The following SCTR variants were observed in gnomAD, a reference collection of about 807,000 sequenced individuals.
The protein encoded by SCTR is pancreatic secretin receptor.
Under a neutral mutation model 60.8 loss-of-function variants are expected in SCTR, and 56 were observed. The ratio of observed to expected loss-of-function variants is 0.92; its 90% CI spans 0.74 to 1.15. The LOEUF (loss-of-function observed/expected upper bound fraction) is 1.15, where lower values mean the gene tolerates loss of function less well. SCTR is among the 50% of genes most tolerant of loss of function. SCTR has a pLI of 0.00. For missense variants in SCTR, 562 were observed against 550.4 expected (o/e 1.02, Z -0.21); for synonymous variants, 202 against 217.0 (o/e 0.93, Z 0.61).
chr2:119,486,781 A>C (rs912360011), intron 2 of SCTR: 2 of 152,218 alleles, frequency 1.3e-5, no homozygotes, highest in Admixed American at 1.3e-4. Flanking sequence ...ATTGCCTAGA[A>C]TGTTATACAA....
intron 3 of SCTR, among the ~76,000 whole-genome samples, chr2:119,475,178 A>T (rs1290552204): frequency 6.6e-6 from 1 of 152,158 alleles, no homozygotes; most frequent in East Asian, 1.9e-4. Flanking sequence ...AGGGGTGGGG[A>T]GGTTTCTGGA....
intron 1 of SCTR, among the ~76,000 whole-genome samples, chr2:119,494,926 T>C (rs1474676061): frequency 6.6e-6 from 1 of 152,234 alleles, no homozygotes; most frequent in Non-Finnish European, 1.5e-5. Context: ...TTTTTTGTTT[T>C]CTTTGGTCTT....
At chr2:119,514,498 T>C (rs2920691) in intron 1 of SCTR, among the ~76,000 whole-genome samples, 2,484 of 152,310 alleles carry the variant, frequency 0.016, 71 homozygotes, top group African/African-American at 0.057. Context: ...TCAAGTGGGT[T>C]CTGTTAGCTA....
intron 3 of SCTR, chr2:119,476,964 C>T (rs1677350767): frequency 6.6e-6 from 1 of 151,990 alleles, no homozygotes; most frequent in Non-Finnish European, 1.5e-5. Flanking sequence ...AGTTGGTAAG[C>T]TTGCGGGGGT....
chr2:119,523,407 T>C (rs1021768375), intron 1 of SCTR, among the ~76,000 whole-genome samples: 7 of 145,522 alleles, frequency 4.8e-5, no homozygotes, highest in African/African-American at 1.8e-4. Context: ...ATTATTATTA[T>C]TATTATTATT....
chr2:119,484,174 A>G (rs1371873176), intron 2 of SCTR, among the ~76,000 whole-genome samples: 1 of 152,096 alleles, frequency 6.6e-6, no homozygotes, highest in African/African-American at 2.4e-5. Context: ...ATAGGGCCAC[A>G]CTTACTGAGC....
At chr2:119,520,807 A>G (rs780970304) in intron 1 of SCTR, among the ~76,000 whole-genome samples, 7 of 152,166 alleles carry the variant, frequency 4.6e-5, no homozygotes, top group Non-Finnish European at 8.8e-5. Context: ...TCTGACTCAG[A>G]TGCCGTATCA....
At position 119,524,308 on chromosome 2, in the gene SCTR, A is replaced by C; in HGVS notation, c.-82T>G. ...CGCTCGGGAGCTCAGCGCCCCGCGC[A>C]GGGTCCCGGGCTCCGGCCGGCCGCT... On this transcript the variant is annotated 5_prime_UTR_variant, in exon 1 of 13. Transcript: ENST00000019103. The C allele has an allele frequency of 1.0e-6, 1 of 980,554 alleles. No homozygotes were observed. Among genetic ancestry groups the C allele is most frequent in the East Asian group, 3.3e-5 (1 of 30,098 alleles). The allele number at this position is 980,554 out of a possible 1,614,324, so 60.7% of individuals were successfully genotyped here. A position where few individuals can be genotyped will look rare whatever the true frequency, so the allele number is the denominator to read the frequency against.
At chr2:119,478,999 C>T in intron 2 of SCTR, 81 bp from the exon 3 acceptor site, 1 of 1,574,570 alleles carries the variant, frequency 6.4e-7, no homozygotes. Flanking sequence ...CACCGACACC[C>T]TTGCCTGCCT....
At chr2:119,453,221 A>G in intron 8 of SCTR, 66 bp downstream of exon 8, 2 of 1,236,818 alleles carry the variant, frequency 1.6e-6, no homozygotes, top group East Asian at 2.3e-5. Context: ...CAAAGAAGTA[A>G]CTATGCTGTT....
intron 2 of SCTR, among the ~76,000 whole-genome samples, chr2:119,493,921 A>G (rs1284179630): frequency 6.6e-6 from 1 of 152,180 alleles, no homozygotes; most frequent in Non-Finnish European, 1.5e-5. Flanking sequence ...GATTACAGGC[A>G]TGAGCCACCA....
chr2:119,469,928 T>C (rs1676932759), intron 4 of SCTR, among the ~76,000 whole-genome samples: 1 of 152,238 alleles, frequency 6.6e-6, no homozygotes, highest in Non-Finnish European at 1.5e-5. Flanking sequence ...CTGCTTTCTG[T>C]AGCCTTTAGA....
intron 12 of SCTR, among the ~76,000 whole-genome samples, chr2:119,440,531 A>G (rs1415350437): frequency 6.6e-6 from 1 of 152,214 alleles, no homozygotes; most frequent in Non-Finnish European, 1.5e-5. Flanking sequence ...TGCCCTTGAC[A>G]TTACAAGAGC....
At chr2:119,457,690 GC>G (rs147934194) in intron 7 of SCTR, among the ~76,000 whole-genome samples, 24,823 of 152,062 alleles carry the variant, frequency 0.16, 2,173 homozygotes, top group East Asian at 0.3. Context: ...TCCAGCTTGG[GC>G]CAAGAGAGTG....
At chr2:119,508,740 C>T (rs1678841693) in intron 1 of SCTR, among the ~76,000 whole-genome samples, 1 of 152,154 alleles carries the variant, frequency 6.6e-6, no homozygotes. Context: ...TTATTATGCA[C>T]ATGTTGTTTT....
At chr2:119,480,666 C>T (rs555608277) in intron 2 of SCTR, 1 of 152,286 alleles carries the variant, frequency 6.6e-6, no homozygotes, top group South Asian at 2.1e-4. Flanking sequence ...TCTTTTAAGA[C>T]ATCATTTCAC....
chr2:119,520,124 A>G (rs1413475818), intron 1 of SCTR, among the ~76,000 whole-genome samples: 3 of 152,178 alleles, frequency 2.0e-5, no homozygotes, highest in African/African-American at 7.2e-5. Context: ...AGAAATCCAC[A>G]AATACTTCTT....
chr2:119,446,170 A>G (rs888789130), intron 11 of SCTR, among the ~76,000 whole-genome samples: 1 of 152,220 alleles, frequency 6.6e-6, no homozygotes, highest in Non-Finnish European at 1.5e-5. Context: ...TTGCATATGC[A>G]CATGGTTTCA....
At chr2:119,502,651 C>G (rs1405502430) in intron 1 of SCTR, among the ~76,000 whole-genome samples, 1 of 151,712 alleles carries the variant, frequency 6.6e-6, no homozygotes, top group Non-Finnish European at 1.5e-5. Flanking sequence ...AATGGATAAA[C>G]AGATCATAAT....
Sources: allele counts gnomAD v4.1 joint callset (sites outside exome capture counted in the v4.1 genomes callset), GRCh38; gene constraint gnomAD v4.1.1; transcripts MANE v1.5; gene names NCBI Gene and HGNC (gene_info 2026-07-23, HGNC 2026-07-21).